Variants in CBR4 observed in about 807,000 individuals in gnomAD.
CBR4 encodes the protein 3-oxoacyl-[acyl-carrier-protein] reductase.
A neutral mutation model predicts 21.0 loss-of-function variants in CBR4; 22 were observed. The observed-to-expected ratio is 1.05, with a 90% CI of 0.75 to 1.50. The LOEUF (loss-of-function observed/expected upper bound fraction) is 1.50, where lower values mean the gene tolerates loss of function less well. Among genes scored for constraint, CBR4 ranks in the 40% most tolerant of loss-of-function variants. The pLI is 0.00. For missense variants in CBR4, 302 were observed against 286.3 expected, an observed-to-expected ratio of 1.05 and a Z score of -0.40; for synonymous variants, 100 against 104.4, an observed-to-expected ratio of 0.96 and a Z score of 0.26.
Position 169,010,208 on chromosome 4 carries a change from G to A in CBR4, c.-119C>T, listed in dbSNP as rs1731319409. On this transcript the variant is annotated 5_prime_UTR_variant, in exon 1 of 5. Coordinates refer to ENST00000306193, the MANE Select transcript of CBR4 (RefSeq NM_032783.5). ...AAAAAAAGAAAAAAAAAGGCAAACC[G>A]CAAAAAAAAATAACGCCGCTCGACA... 4.5e-6 allele frequency: 4 copies of A among 882,834 alleles called. No individual in the cohort carries two copies. The highest frequency in any genetic ancestry group is 3.5e-5 in the African/African-American group (2 of 56,856). The allele number at this position is 882,834 out of a possible 1,614,324, so 54.7% of individuals were successfully genotyped here.
intron 2 of CBR4, among the ~76,000 whole-genome samples, chr4:168,942,600 A>C (rs1763293925): frequency 6.6e-6 from 1 of 152,074 alleles, no homozygotes; most frequent in Non-Finnish European, 1.5e-5. Context: ...CCTCAAAAGC[A>C]CAGGAAACTA....
intron 2 of CBR4, among the ~76,000 whole-genome samples, chr4:168,969,495 T>A (rs1219341937): frequency 6.6e-6 from 1 of 152,094 alleles, no homozygotes; most frequent in Non-Finnish European, 1.5e-5. Context: ...TATAATCACA[T>A]GAACCCTTAA....
Position 168,955,256 on chromosome 4 carries a change from A to G in CBR4, n.169+46815T>C, listed in dbSNP as rs187331843. The stretch of plus-strand genomic sequence containing the variant: ...ACTGAGAAGTCAATACATGAGGCCT[A>G]ATTCTGAAAAATCAAGAAATATGAT... On this transcript the variant is annotated intron_variant and non_coding_transcript_variant, in intron 2 of 3. Coordinates refer to the CBR4 transcript ENST00000509108. 8.2e-3 allele frequency among the ~76,000 whole-genome samples: 1,249 copies of G among 152,306 alleles called. 55 individuals are homozygous for G. Among genetic ancestry groups the G allele is most frequent in the Admixed American group, 0.074 (1,138 of 15,290 alleles).
At chr4:168,947,027 T>C (rs1404649408) in intron 2 of CBR4, among the ~76,000 whole-genome samples, 1 of 152,164 alleles carries the variant, frequency 6.6e-6, no homozygotes, top group African/African-American at 2.4e-5. Flanking sequence ...GCTAACAATC[T>C]TGAAATTATC....
chr4:168,906,118 G>A lies in CBR4; in HGVS notation n.170-11353C>T, dbSNP rs565878012. On this transcript the variant is annotated intron_variant and non_coding_transcript_variant, in intron 2 of 3. Coordinates refer to the CBR4 transcript ENST00000509108. ...CTGACAAAATCCAAAATTTTTCTTC[G>A]TGTTGGGTCATTTATTCCTCTTTTG... Among the ~76,000 whole-genome samples, 5 of 152,134 alleles carry A rather than the reference G, an allele frequency of 3.3e-5. No individual in the cohort carries two copies. In the East Asian group the frequency reaches 7.7e-4, roughly 23 times the overall value.
At chr4:168,920,189 G>C (rs1761157370) in intron 2 of CBR4, among the ~76,000 whole-genome samples, 1 of 152,226 alleles carries the variant, frequency 6.6e-6, no homozygotes, top group South Asian at 2.1e-4. Context: ...TACATGGAGA[G>C]CTGGGGACAG....
chr4:168,895,328 G>A (rs1245154627), intron 2 of CBR4, among the ~76,000 whole-genome samples: 1 of 152,236 alleles, frequency 6.6e-6, no homozygotes, highest in East Asian at 1.9e-4. Flanking sequence ...GTTGCAGTGA[G>A]CTGAGGTTGT....
intron 2 of CBR4, among the ~76,000 whole-genome samples, chr4:168,928,806 C>CCTT (rs1310779297): frequency 6.6e-6 from 1 of 152,196 alleles, no homozygotes; most frequent in African/African-American, 2.4e-5. Flanking sequence ...GTGAGAATCT[C>CCTT]CTTCACCTCA....
intron 2 of CBR4, among the ~76,000 whole-genome samples, chr4:168,915,161 A>G (rs1257286695): frequency 6.6e-6 from 1 of 152,172 alleles, no homozygotes; most frequent in Admixed American, 6.5e-5. Flanking sequence ...TTAGCCTAGT[A>G]TGCTTCTTTC....
chr4:168,920,958 C>A (rs951389584), intron 2 of CBR4, among the ~76,000 whole-genome samples: 8 of 152,250 alleles, frequency 5.3e-5, no homozygotes, highest in Middle Eastern at 3.4e-3. Flanking sequence ...TAGCCCTGGG[C>A]AAGGTAAGAC....
chr4:168,899,807 C>T (rs2151274823), intron 2 of CBR4, among the ~76,000 whole-genome samples: 1 of 151,924 alleles, frequency 6.6e-6, no homozygotes, highest in Admixed American at 6.6e-5. Flanking sequence ...ATCTCAGCTA[C>T]TTGGGAGGCT....
At chr4:168,905,899 A>G (rs948809717) in intron 2 of CBR4, among the ~76,000 whole-genome samples, 1 of 149,958 alleles carries the variant, frequency 6.7e-6, no homozygotes, top group Non-Finnish European at 1.5e-5. Context: ...TCCTGGGTTC[A>G]AGCAATTCTT....
chr4:168,995,038 G>T (rs1765123869), intron 4 of CBR4, among the ~76,000 whole-genome samples: 1 of 152,144 alleles, frequency 6.6e-6, no homozygotes, highest in Non-Finnish European at 1.5e-5. Context: ...ACAGGCGTGA[G>T]CCACCATGCA....
chr4:168,899,973 A>T (rs778994209), intron 2 of CBR4, among the ~76,000 whole-genome samples: 2 of 152,144 alleles, frequency 1.3e-5, no homozygotes, highest in Non-Finnish European at 2.9e-5. Context: ...TCTGCATGGT[A>T]TACAGAAGTG....
At position 168,921,591 on chromosome 4, in the gene CBR4, C is replaced by G; in HGVS notation, n.170-26826G>C. On this transcript the variant is annotated intron_variant and non_coding_transcript_variant, in intron 2 of 3. Transcript: ENST00000509108. ...GCAACTAGATGGAAAGCCCGTACGCCCTGACAGTGCTCACAAGATGCTGGT... is the reference window on the plus strand; with the variant it reads ...GCAACTAGATGGAAAGCCCGTACGCGCTGACAGTGCTCACAAGATGCTGGT... 1 of 1,609,614 alleles carries G rather than the reference C, an allele frequency of 6.2e-7. No homozygotes were observed.
At chr4:168,935,729 A>T (rs1185701041) in intron 2 of CBR4, among the ~76,000 whole-genome samples, 1 of 152,216 alleles carries the variant, frequency 6.6e-6, no homozygotes, top group Non-Finnish European at 1.5e-5. Flanking sequence ...CTCTCTGGGC[A>T]GGGAATCTCT....
intron 2 of CBR4, among the ~76,000 whole-genome samples, chr4:168,970,095 CTTA>C (rs1342852377): frequency 1.3e-5 from 2 of 152,062 alleles, no homozygotes; most frequent in African/African-American, 4.8e-5. Context: ...ACGGGTTATC[CTTA>C]TTGATTTATT....
chr4:168,944,473 G>A (rs930764162), intron 2 of CBR4, among the ~76,000 whole-genome samples: 1 of 151,512 alleles, frequency 6.6e-6, no homozygotes, highest in African/African-American at 2.4e-5. Flanking sequence ...GTGAGACCCT[G>A]CCTCTAAAAA....
chr4:168,988,848 A>C lies in CBR4; in HGVS notation c.*1302T>G, dbSNP rs1764784923. 1.0e-6 allele frequency: 1 copy of C among 955,812 alleles called. No individual in the cohort carries two copies. The highest frequency in any genetic ancestry group is 6.2e-5 in the Admixed American group (1 of 16,236). 59.2% of individuals were successfully genotyped at this position (955,812 alleles called of 1,614,324 possible). ...CTTTTGTTATTACTTTGTATTTATT[A>C]GTATATCCTATTCATAATTTTGCAC... On this transcript the variant is annotated 3_prime_UTR_variant, in exon 5 of 5. Coordinates refer to ENST00000306193, the MANE Select transcript of CBR4 (RefSeq NM_032783.5).
Sources: allele counts gnomAD v4.1 joint callset (sites outside exome capture counted in the v4.1 genomes callset), GRCh38; gene constraint gnomAD v4.1.1; transcripts MANE v1.5; gene names NCBI Gene and HGNC (gene_info 2026-07-23, HGNC 2026-07-21).